Variants in PDGFRB observed in about 807,000 individuals in gnomAD.
The protein encoded by PDGFRB is platelet-derived growth factor receptor beta.
A neutral mutation model predicts 120.2 loss-of-function variants in PDGFRB; 42 were observed. The observed-to-expected ratio is 0.35, with a 90% CI of 0.27 to 0.45. The LOEUF (loss-of-function observed/expected upper bound fraction) is 0.45. PDGFRB is among the 20% of genes least tolerant of loss of function. The pLI, the probability that PDGFRB is intolerant of heterozygous loss-of-function variation, is 1.00. For missense variants in PDGFRB, 1,149 were observed against 1,476.3 expected (o/e 0.78, Z 3.63); for synonymous variants, 586 against 606.8 (o/e 0.97, Z 0.50).
rs751674667 is a variant in PDGFRB, at chr5:150,120,875, G to A, written c.2586+13C>T. On this transcript the variant is annotated intron_variant, in intron 18 of 22. Transcript: ENST00000261799. This position sits in a 1 kb window ranked among gnomAD's most constrained non-coding sequence, Gnocchi z 4.3. ...ACTGTGACTGCCCTGCAGGGGCCAG[G>A]GAAGGTACTCACGCTGCCTTTGGAG... is the stretch of plus-strand genomic sequence containing the variant. 6.2e-7 allele frequency: 1 copy of A among 1,613,590 alleles called. No individual in the cohort carries two copies. The highest frequency in any genetic ancestry group is 8.5e-7 in the Non-Finnish European group (1 of 1,179,540).
intron 19 of PDGFRB, among the ~76,000 whole-genome samples, 195 bp downstream of exon 19, chr5:150,119,817 C>T (rs1238658132): frequency 6.6e-6 from 1 of 152,212 alleles, no homozygotes; most frequent in East Asian, 1.9e-4. Context: ...AATGCTCAGA[C>T]AGGGAGATAA....
At chr5:150,124,430 TA>T in intron 13 of PDGFRB, 70 bp from the exon 14 acceptor site, 1 of 1,130,706 alleles carries the variant, frequency 8.8e-7, no homozygotes. Flanking sequence ...CACAGGAGCC[TA>T]TTCTGACTCT....
chr5:150,135,975 G>T, intron 2 of PDGFRB, 97 bp from the exon 3 acceptor site: 1 of 753,628 alleles, frequency 1.3e-6, no homozygotes, highest in Non-Finnish European at 2.1e-6. Flanking sequence ...CAGCCCTCAG[G>T]TCCTTGAGGA....
At position 150,124,345 on chromosome 5, in the gene PDGFRB, C is replaced by T. The variant is rs2113895094; in HGVS notation, c.1928G>A (p.Ser643Asn). ...CTCCGACATAAGGGCTTGCTTCTCA[C>T]TGCTGCGGGCTGTGGCTGAGGAAAA... ...VKMLKSTARS[S>N]EKQALMSELK... is the part of the protein sequence containing the mutation. The change falls in exon 14 of 23, where the codon AGT becomes AAT. Residue 643 changes from serine (S) to asparagine (N), a missense_variant. By Grantham distance (46) the Ser-to-Asn change is conservative (BLOSUM62 1). Around this residue, in one of 3 missense-constraint regions of PDGFRB, gnomAD observed 879 missense variants for 1,108.6 expected, o/e 0.79. Coordinates refer to ENST00000261799, the MANE Select transcript of PDGFRB (RefSeq NM_002609.4). 1.2e-6 allele frequency: 2 copies of T among 1,614,044 alleles called. No individual in the cohort carries two copies. The highest frequency in any genetic ancestry group is 8.5e-7 in the Non-Finnish European group (1 of 1,179,878).
intron 1 of PDGFRB, among the ~76,000 whole-genome samples, chr5:150,152,716 G>C (rs1212830223): frequency 6.6e-6 from 1 of 152,338 alleles, no homozygotes; most frequent in Admixed American, 6.5e-5. Flanking sequence ...AACATACATG[G>C]TGTCCAGGTC....
In PDGFRB at chr5:150,117,538, G is replaced by GCC. The variant is rs1190943348; in HGVS notation, c.3137+79_3137+80insGG. On this transcript the variant is annotated intron_variant, in intron 22 of 22. Coordinates refer to ENST00000261799, the MANE Select transcript of PDGFRB (RefSeq NM_002609.4). Reference sequence around the variant, plus strand: ...GAGGCAAACCTGGCAGCGCGCGCGCGCGCGCGCACACACACACACACACAC... The same window carrying GCC: ...GAGGCAAACCTGGCAGCGCGCGCGCGCCCGCGCGCACACACACACACACACAC... The GCC allele has an allele frequency of 8.3e-4, 488 of 586,038 alleles. 8 individuals carry two copies. The highest frequency in any genetic ancestry group is 5.0e-4 in the Middle Eastern group (1 of 2,010). The allele number at this position is 586,038 out of a possible 1,614,324, so 36.3% of individuals were successfully genotyped here. A position where few individuals can be genotyped will look rare whatever the true frequency, so the allele number is the denominator to read the frequency against.
intron 22 of PDGFRB, 89 bp downstream of exon 22, chr5:150,117,529 C>G (rs1018298899): frequency 2.3e-6 from 1 of 434,698 alleles, no homozygotes; most frequent in Non-Finnish European, 4.1e-6. Flanking sequence ...AACCTGGCAG[C>G]GCGCGCGCGC....
rs1760109654 is a variant in PDGFRB, at chr5:150,120,880, G to C, written c.2586+8C>G. 6.2e-7 allele frequency: 1 copy of C among 1,613,622 alleles called. No homozygotes were observed. On this transcript the variant is annotated splice_region_variant and intron_variant, in intron 18 of 22. Coordinates refer to ENST00000261799, the MANE Select transcript of PDGFRB (RefSeq NM_002609.4). This position sits in a 1 kb window ranked among gnomAD's most constrained non-coding sequence, Gnocchi z 4.3. Reference sequence around the variant, plus strand: ...GACTGCCCTGCAGGGGCCAGGGAAGGTACTCACGCTGCCTTTGGAGATGTA... The same window carrying C: ...GACTGCCCTGCAGGGGCCAGGGAAGCTACTCACGCTGCCTTTGGAGATGTA...
At chr5:150,135,516 G>C (rs780494332) in intron 3 of PDGFRB, 39 bp downstream of exon 3, 2 of 1,286,318 alleles carry the variant, frequency 1.6e-6, no homozygotes, top group African/African-American at 3.0e-5. Flanking sequence ...CAGTTGACAA[G>C]AGGGGTAAGG....
At position 150,135,910 on chromosome 5, in the gene PDGFRB, A is replaced by T; in HGVS notation, c.41-32T>A. ...GAGAGGAGGTATCAGACATCAGGAA[A>T]CAGGGGCTTCAGCACCTCTCCCAAG... On this transcript the variant is annotated intron_variant, in intron 2 of 22. Coordinates refer to ENST00000261799, the MANE Select transcript of PDGFRB (RefSeq NM_002609.4). 2.0e-6 allele frequency: 3 copies of T among 1,471,008 alleles called. No homozygotes were observed. In the South Asian group the frequency reaches 4.1e-5, roughly 20 times the overall value. The allele number at this position is 1,471,008 out of a possible 1,614,324, so 91.1% of individuals were successfully genotyped here. A position where few individuals can be genotyped will look rare whatever the true frequency, so the allele number is the denominator to read the frequency against.
chr5:150,132,981 A>G lies in PDGFRB; in HGVS notation c.935-39T>C. 1 of 1,451,968 alleles carries G rather than the reference A, an allele frequency of 6.9e-7. No individual in the cohort carries two copies. The highest frequency in any genetic ancestry group is 9.4e-7 in the Non-Finnish European group (1 of 1,065,980). 89.9% of individuals were successfully genotyped at this position (1,451,968 alleles called of 1,614,324 possible). A position where few individuals can be genotyped will look rare whatever the true frequency, so the allele number is the denominator to read the frequency against. On this transcript the variant is annotated intron_variant, in intron 6 of 22. Transcript: ENST00000261799. This position sits in a 1 kb window ranked among gnomAD's most constrained non-coding sequence, Gnocchi z 5.0. ...CCGTCAGGGGCGGGGCCCTGGGGGC[A>G]GGGCACCAACTGAATCCCAAAGGAG...
chr5:150,134,852 G>A lies in PDGFRB; in HGVS notation c.529C>T (p.Arg177Cys), dbSNP rs142683442. ...TCCTCAAAGATACCAGAAAAGCCACGTTGGTGATCATAGGGGACAGGCAGT... is the reference window on the plus strand; with the variant it reads ...TCCTCAAAGATACCAGAAAAGCCACATTGGTGATCATAGGGGACAGGCAGT... ...VALPVPYDHQ[R>C]GFSGIFEDRS... Residue 177 changes from arginine (R) to cysteine (C), a missense_variant, in exon 4 of 23, where the codon CGT becomes TGT. Coordinates refer to ENST00000261799, the MANE Select transcript of PDGFRB (RefSeq NM_002609.4). 2.2e-5 allele frequency: 36 copies of A among 1,614,116 alleles called. No homozygotes were observed. The highest frequency in any genetic ancestry group is 8.0e-5 in the African/African-American group (6 of 74,944).
At chr5:150,152,544 T>C (rs3776081) in intron 1 of PDGFRB, among the ~76,000 whole-genome samples, 49,665 of 151,916 alleles carry the variant, frequency 0.33, 8,419 homozygotes, top group East Asian at 0.58. Context: ...AAGAAATGGG[T>C]GGGCATTTCA....
At position 150,135,877 on chromosome 5, in the gene PDGFRB, G is replaced by A. The variant is rs145316660; in HGVS notation, c.42C>T (p.Gly14=). 8.7e-5 allele frequency: 133 copies of A among 1,521,218 alleles called. No individual in the cohort carries two copies. The highest frequency in any genetic ancestry group is 1.5e-4 in the Admixed American group (7 of 45,676). The allele number at this position is 1,521,218 out of a possible 1,614,324, so 94.2% of individuals were successfully genotyped here. The change falls in exon 3 of 23, where the codon GGC becomes GGT. Residue 14 remains glycine, a splice_region_variant and synonymous_variant. Transcript: ENST00000261799. Reference sequence around the variant, plus strand: ...ACAGGAGAGACAGCAACAGCAGCTCGCCTTTGGGAGAGGAGGTATCAGACA... The same window carrying A: ...ACAGGAGAGACAGCAACAGCAGCTCACCTTTGGGAGAGGAGGTATCAGACA... ...PGAMPALALK[G]ELLLLSLLLL...
At chr5:150,115,967 G>A (rs1759917750) in intron 22 of PDGFRB, 21 bp from the exon 23 acceptor site, 3 of 1,550,302 alleles carry the variant, frequency 1.9e-6, no homozygotes, top group Non-Finnish European at 2.6e-6. Flanking sequence ...GAGGCAGTGA[G>A]TGAGGGGCTA....
chr5:150,124,184 GT>G (rs1248283877), intron 14 of PDGFRB, 65 bp downstream of exon 14: 3 of 1,068,620 alleles, frequency 2.8e-6, no homozygotes, highest in Admixed American at 3.8e-5. Flanking sequence ...TGAGGGGGGG[GT>G]AGGCGGGGCC....
At position 150,120,393 on chromosome 5, in the gene PDGFRB, G is replaced by A. The variant is rs947757954; in HGVS notation, c.2587-270C>T. On this transcript the variant is annotated intron_variant, in intron 18 of 22. Transcript: ENST00000261799. This position sits in a 1 kb window ranked among gnomAD's most constrained non-coding sequence, Gnocchi z 4.3. ...CCCAGGGTCTGAGTAGTGAAGTGTGGGAGCCAGGGACTTGTCAAGGCACCC... is the reference window on the plus strand; with the variant it reads ...CCCAGGGTCTGAGTAGTGAAGTGTGAGAGCCAGGGACTTGTCAAGGCACCC... Among the ~76,000 whole-genome samples, 5 of 152,178 alleles carry A rather than the reference G, an allele frequency of 3.3e-5. No individual in the cohort carries two copies. The highest frequency in any genetic ancestry group is 4.4e-5 in the Non-Finnish European group (3 of 68,020).
At chr5:150,143,933 G>A (rs1760847838) in intron 1 of PDGFRB, among the ~76,000 whole-genome samples, 1 of 152,108 alleles carries the variant, frequency 6.6e-6, no homozygotes, top group Admixed American at 6.5e-5. Flanking sequence ...CCCACTCGGT[G>A]TTGGAGCCAT....
Position 150,132,004 on chromosome 5 carries a change from C to T in PDGFRB, c.1218G>A (p.Gln406=). Residue 406 remains glutamine, a synonymous_variant, in exon 8 of 23, where the codon CAG becomes CAA. Coordinates refer to ENST00000261799, the MANE Select transcript of PDGFRB (RefSeq NM_002609.4). The surrounding 1 kb of genome is among the most constrained non-coding windows in gnomAD (Gnocchi z 5.0). ...MRAFHEDAEV[Q]LSFQLQINVP... ...CATTGATCTGTAGCTGGAAGGAGAG[C>T]TGGACCTCAGCATCCTCATGGAAGG... 1 of 1,599,908 alleles carries T rather than the reference C, an allele frequency of 6.3e-7. No homozygotes were observed. The highest frequency in any genetic ancestry group is 8.6e-7 in the Non-Finnish European group (1 of 1,167,154).
Sources: allele counts gnomAD v4.1 joint callset (sites outside exome capture counted in the v4.1 genomes callset), GRCh38; gene constraint gnomAD v4.1.1; regional missense constraint gnomAD v4.1.1; non-coding constraint Gnocchi (gnomAD v3.1); transcripts MANE v1.5; gene names NCBI Gene and HGNC (gene_info 2026-07-23, HGNC 2026-07-21).